ADAM12: variants seen among roughly 807,000 people sequenced by gnomAD.
The protein encoded by ADAM12 is disintegrin and metalloproteinase domain-containing protein 12.
In ADAM12, 70 loss-of-function variants were observed where a neutral mutation model predicts 106.4. The observed-to-expected ratio is 0.66, with a 90% CI of 0.54 to 0.80. ADAM12 has a LOEUF of 0.80. Among genes scored for constraint, ADAM12 ranks in the 30% least tolerant of loss-of-function variants. The pLI is 0.00. For missense variants in ADAM12, 1,010 were observed against 1,171.9 expected (o/e 0.86, Z 2.02); for synonymous variants, 420 against 433.5 (o/e 0.97, Z 0.39).
chr10:126,101,986 C>T (rs1955677044), intron 8 of ADAM12, among the ~76,000 whole-genome samples: 1 of 152,150 alleles, frequency 6.6e-6, no homozygotes, highest in African/African-American at 2.4e-5. Flanking sequence ...CACTCCCCTG[C>T]CTGCCCCCAC....
At chr10:126,178,415 T>C (rs1307762158) in intron 3 of ADAM12, among the ~76,000 whole-genome samples, 1 of 91,956 alleles carries the variant, frequency 1.1e-5, no homozygotes, top group Non-Finnish European at 2.1e-5. Flanking sequence ...CATCTTTTTT[T>C]TTTTTTTTTT....
chr10:126,353,581 T>C (rs532028006), intron 1 of ADAM12, among the ~76,000 whole-genome samples: 78 of 152,356 alleles, frequency 5.1e-4, no homozygotes, highest in South Asian at 1.4e-3. Context: ...ATTTTTTCCA[T>C]TTAGTTTGCT....
chr10:126,161,648 A>T (rs1034383287), intron 3 of ADAM12, among the ~76,000 whole-genome samples: 1 of 152,180 alleles, frequency 6.6e-6, no homozygotes, highest in Non-Finnish European at 1.5e-5. Context: ...TTTCTCCAGC[A>T]CCATGACTTG....
intron 3 of ADAM12, among the ~76,000 whole-genome samples, chr10:126,277,834 G>A (rs1403896603): frequency 6.6e-6 from 1 of 152,192 alleles, no homozygotes; most frequent in Non-Finnish European, 1.5e-5. Flanking sequence ...GGAGCAGGTA[G>A]TGTGATTTTT....
At chr10:126,136,565 A>G (rs1478455281) in intron 4 of ADAM12, among the ~76,000 whole-genome samples, 3 of 152,176 alleles carry the variant, frequency 2.0e-5, no homozygotes, top group African/African-American at 7.2e-5. Context: ...CTTAGCACAC[A>G]GCTCCTTCAC....
At chr10:126,127,539 T>C (rs1956225807) in intron 5 of ADAM12, among the ~76,000 whole-genome samples, 1 of 152,176 alleles carries the variant, frequency 6.6e-6, no homozygotes, top group African/African-American at 2.4e-5. Flanking sequence ...ACTCCCAGTG[T>C]AGCAGACAGG....
At chr10:126,247,511 C>T (rs776574136) in intron 3 of ADAM12, among the ~76,000 whole-genome samples, 1 of 152,210 alleles carries the variant, frequency 6.6e-6, no homozygotes, top group Non-Finnish European at 1.5e-5. Flanking sequence ...AGGAGAGAGC[C>T]TGCCATCTGT....
intron 4 of ADAM12, among the ~76,000 whole-genome samples, chr10:126,146,128 C>T (rs1218438246): frequency 6.6e-6 from 1 of 152,142 alleles, no homozygotes; most frequent in Non-Finnish European, 1.5e-5. Flanking sequence ...AAGGGAGGGC[C>T]TGAGCTGGTG....
At chr10:126,041,340 G>A in intron 18 of ADAM12, 1 of 985,808 alleles carries the variant, frequency 1.0e-6, no homozygotes, top group Non-Finnish European at 1.2e-6. Flanking sequence ...GGTGGAGGCA[G>A]CGGTATTTCA....
rs1455068821 is a variant in ADAM12 at position 126,053,108 on chromosome 10, T to C, written c.1610-3439A>G. 5.3e-5 allele frequency among the ~76,000 whole-genome samples: 8 copies of C among 152,062 alleles called. No individual in the cohort carries two copies. The East Asian group carries it at 1.5e-3, about 29-fold the overall frequency. ...CGTTTAAAAGTGTGTGGCACCTCCC[T>C]TTTCCTTCTCTCTCTTGCTCCTGCT... On this transcript the variant is annotated intron_variant, in intron 14 of 22. Coordinates refer to ENST00000448723, the MANE Select transcript of ADAM12 (RefSeq NM_001288973.2). This position sits in a 1 kb window ranked among gnomAD's most constrained non-coding sequence, Gnocchi z 4.6.
At position 126,024,677 on chromosome 10, in the gene ADAM12, C is replaced by T. The variant is rs978971837; in HGVS notation, c.2530-4852G>A. Reference sequence around the variant, plus strand: ...GAGGAAGATCATATAAGACTTTGAGCTGGTTGAAGGTAGGGGAGAATGAGA... The same window carrying T: ...GAGGAAGATCATATAAGACTTTGAGTTGGTTGAAGGTAGGGGAGAATGAGA... On this transcript the variant is annotated intron_variant, in intron 21 of 22. Transcript: ENST00000448723. Among the ~76,000 whole-genome samples, 23 of 152,112 alleles carry T rather than the reference C, an allele frequency of 1.5e-4. No homozygotes were observed. The East Asian group carries it at 4.1e-3, about 27-fold the overall frequency.
intron 3 of ADAM12, among the ~76,000 whole-genome samples, chr10:126,229,018 CCT>C (rs1590650610): frequency 6.6e-6 from 1 of 152,090 alleles, no homozygotes; most frequent in South Asian, 2.1e-4. Context: ...TTGTGGTTCC[CCT>C]GTTTACCAGG....
intron 14 of ADAM12, among the ~76,000 whole-genome samples, chr10:126,060,334 C>T (rs1954725710): frequency 6.6e-6 from 1 of 152,192 alleles, no homozygotes; most frequent in Admixed American, 6.5e-5. Context: ...GGGCTTCGTC[C>T]AGTCAGTGTT....
intron 3 of ADAM12, among the ~76,000 whole-genome samples, chr10:126,228,115 TG>T (rs1958236316): frequency 6.6e-6 from 1 of 152,140 alleles, no homozygotes; most frequent in South Asian, 2.1e-4. Context: ...GGACATCTGA[TG>T]GGGAAGCCTG....
At chr10:126,039,913 T>C (rs888253741) in intron 18 of ADAM12, among the ~76,000 whole-genome samples, 16 of 152,256 alleles carry the variant, frequency 1.1e-4, no homozygotes, top group Admixed American at 3.3e-4. Flanking sequence ...TGAATTGCTT[T>C]CTTGCTGGAC....
rs186541727 is a variant in ADAM12, at chr10:126,060,865, A to G, written c.1609+3941T>C. Among the ~76,000 whole-genome samples the G allele has an allele frequency of 2.0e-3, 300 of 152,308 alleles. 1 individual carries two copies. Among genetic ancestry groups the G allele is most frequent in the African/African-American group, 7.0e-3 (291 of 41,566 alleles). The stretch of plus-strand genomic sequence containing the variant: ...GCAGAGTCGGGGCTCTTGAGTCAGC[A>G]TCTTACACACAGCAGGACATCAACA... On this transcript the variant is annotated intron_variant, in intron 14 of 22. Coordinates refer to ENST00000448723, the MANE Select transcript of ADAM12 (RefSeq NM_001288973.2).
intron 3 of ADAM12, among the ~76,000 whole-genome samples, chr10:126,275,786 G>A (rs1212951180): frequency 6.6e-6 from 1 of 151,952 alleles, no homozygotes; most frequent in Admixed American, 6.6e-5. Context: ...CCATTATCAA[G>A]TTTTTACAAT....
Position 126,064,755 on chromosome 10 carries a change from C to T in ADAM12, c.1609+51G>A, listed in dbSNP as rs1322759556. On this transcript the variant is annotated intron_variant, in intron 14 of 22. Transcript: ENST00000448723. The surrounding 1 kb of genome is among the most constrained non-coding windows in gnomAD (Gnocchi z 4.4). ...AGAGCACATGCCCCCAGTCCCACAG[C>T]CCAGGTCTGCCAGTGCCTCTCCTGA... 1 of 1,533,510 alleles carries T rather than the reference C, an allele frequency of 6.5e-7. No individual in the cohort carries two copies. The highest frequency in any genetic ancestry group is 2.4e-5 in the East Asian group (1 of 41,668). 95.0% of individuals were successfully genotyped at this position (1,533,510 alleles called of 1,614,324 possible). A position where few individuals can be genotyped will look rare whatever the true frequency, so the allele number is the denominator to read the frequency against.
chr10:126,042,087 T>A, intron 18 of ADAM12: 1 of 1,600,662 alleles, frequency 6.2e-7, no homozygotes, highest in Non-Finnish European at 8.5e-7. Flanking sequence ...ACGCGTGACC[T>A]CCTCTGCAGC....
Sources: gnomAD v4.1 joint callset for allele counts (sites outside exome capture counted in the v4.1 genomes callset) on GRCh38, gnomAD v4.1.1 for gene constraint, Gnocchi (gnomAD v3.1) non-coding constraint, MANE v1.5 for transcripts, NCBI Gene and HGNC (gene_info 2026-07-23, HGNC 2026-07-21) for gene names.